Variants in CCDC102B observed in about 807,000 individuals in gnomAD.
CCDC102B encodes the protein coiled-coil domain-containing protein 102B.
CCDC102B carries 75 observed loss-of-function variants against 57.4 expected under a neutral mutation model. That is an observed-to-expected ratio of 1.31 (90% CI 1.08 to 1.58). The LOEUF (loss-of-function observed/expected upper bound fraction) is 1.58. Among genes scored for constraint, CCDC102B ranks in the 40% most tolerant of loss-of-function variants. The pLI is 0.00. For missense variants in CCDC102B, 636 were observed against 582.6 expected (o/e 1.09, Z -0.94); for synonymous variants, 206 against 201.9 (o/e 1.02, Z -0.17).
chr18:68,751,245 A>T (rs2033840041), intron 2 of CCDC102B, among the ~76,000 whole-genome samples: 1 of 152,216 alleles, frequency 6.6e-6, no homozygotes, highest in Non-Finnish European at 1.5e-5. Flanking sequence ...AGTTCCTGTG[A>T]ACATCTGTTC....
At chr18:68,769,396 G>A (rs1252412445) in intron 2 of CCDC102B, among the ~76,000 whole-genome samples, 1 of 151,996 alleles carries the variant, frequency 6.6e-6, no homozygotes, top group African/African-American at 2.4e-5. Context: ...ACCTCCCAAA[G>A]GCCCCATCTC....
At chr18:68,866,870 T>C (rs571564703) in intron 4 of CCDC102B, 10 of 670,830 alleles carry the variant, frequency 1.5e-5, no homozygotes, top group South Asian at 2.8e-5. Flanking sequence ...CACAGCTACA[T>C]TGGCACTCCT....
chr18:68,817,349 A>T (rs56280242), intron 1 of CCDC102B, among the ~76,000 whole-genome samples: 65,770 of 152,102 alleles, frequency 0.43, 15,523 homozygotes, highest in East Asian at 0.86. Flanking sequence ...TTAAAAGTAA[A>T]TTTGGCTTTC....
At chr18:68,777,993 G>T (rs677523) in intron 2 of CCDC102B, among the ~76,000 whole-genome samples, 1 of 152,008 alleles carries the variant, frequency 6.6e-6, no homozygotes, top group Non-Finnish European at 1.5e-5. Context: ...TTGCATAAGG[G>T]TATTCATTAA....
intron 7 of CCDC102B, among the ~76,000 whole-genome samples, chr18:69,032,082 C>A (rs2052161814): frequency 6.6e-6 from 1 of 151,766 alleles, no homozygotes; most frequent in Non-Finnish European, 1.5e-5. Context: ...TATGTGATAA[C>A]AGATTGAAAC....
chr18:68,956,914 A>G (rs1165799925), intron 6 of CCDC102B, among the ~76,000 whole-genome samples: 2 of 151,698 alleles, frequency 1.3e-5, no homozygotes, highest in Non-Finnish European at 2.9e-5. Context: ...TCTGTTTGCC[A>G]TGTGTATGTC....
chr18:68,741,172 A>G (rs1371823337), intron 2 of CCDC102B, among the ~76,000 whole-genome samples: 1 of 152,158 alleles, frequency 6.6e-6, no homozygotes, highest in African/African-American at 2.4e-5. Context: ...CAGTGATTGG[A>G]GCTTATGGCA....
chr18:68,991,505 A>G (rs947377012), intron 6 of CCDC102B, among the ~76,000 whole-genome samples: 4 of 152,146 alleles, frequency 2.6e-5, no homozygotes, highest in African/African-American at 7.2e-5. Flanking sequence ...GGAGTAATGC[A>G]TTTCCCACTG....
At chr18:68,876,103 G>A (rs2039436048) in intron 5 of CCDC102B, among the ~76,000 whole-genome samples, 1 of 152,188 alleles carries the variant, frequency 6.6e-6, no homozygotes, top group African/African-American at 2.4e-5. Flanking sequence ...TCAGCTCTGA[G>A]AAGCATCTTT....
intron 5 of CCDC102B, among the ~76,000 whole-genome samples, chr18:68,884,603 CACAT>C (rs923993914): frequency 1.4e-5 from 2 of 143,236 alleles, no homozygotes; most frequent in African/African-American, 5.0e-5. Flanking sequence ...CACACACACA[CACAT>C]ATACACACAC....
At chr18:68,828,322 CAAAAAAAAAAAAAA>C (rs58180806) in intron 1 of CCDC102B, among the ~76,000 whole-genome samples, 1 of 80,802 alleles carries the variant, frequency 1.2e-5, no homozygotes, top group African/African-American at 4.6e-5. Context: ...ACCCTATTTA[CAAAAAAAAAAAAAA>C]AAAAAAAAAA....
intron 6 of CCDC102B, among the ~76,000 whole-genome samples, chr18:68,977,845 C>T (rs973177777): frequency 6.6e-6 from 1 of 151,816 alleles, no homozygotes; most frequent in South Asian, 2.1e-4. Flanking sequence ...TAGGGAAAAC[C>T]GACTGTCTTG....
chr18:68,730,898 A>C (rs2032829434), intron 2 of CCDC102B, among the ~76,000 whole-genome samples: 1 of 152,226 alleles, frequency 6.6e-6, no homozygotes, highest in Admixed American at 6.5e-5. Flanking sequence ...CAGCAGAAAT[A>C]TTCTGATATC....
At chr18:68,727,143 G>A (rs909257865) in intron 2 of CCDC102B, among the ~76,000 whole-genome samples, 1 of 152,130 alleles carries the variant, frequency 6.6e-6, no homozygotes, top group Non-Finnish European at 1.5e-5. Context: ...AACAAGCCTT[G>A]GAACTGCAGA....
At chr18:68,765,094 A>C (rs1331824356) in intron 2 of CCDC102B, among the ~76,000 whole-genome samples, 1 of 124,212 alleles carries the variant, frequency 8.1e-6, no homozygotes, top group East Asian at 2.6e-4. Context: ...ATGGTGGTGC[A>C]TGTCTGTCAT....
chr18:68,832,017 TA>T (rs2037162516), intron 1 of CCDC102B, among the ~76,000 whole-genome samples: 1 of 152,150 alleles, frequency 6.6e-6, no homozygotes, highest in African/African-American at 2.4e-5. Flanking sequence ...GGTTGTTTCT[TA>T]GCATTGTGCT....
intron 6 of CCDC102B, among the ~76,000 whole-genome samples, chr18:69,004,585 T>C (rs2051289921): frequency 6.6e-6 from 1 of 152,120 alleles, no homozygotes; most frequent in South Asian, 2.1e-4. Context: ...AGAAACTTCC[T>C]GTCACTTGAT....
intron 5 of CCDC102B, among the ~76,000 whole-genome samples, chr18:68,885,257 A>G (rs2039841710): frequency 6.6e-6 from 1 of 152,094 alleles, no homozygotes; most frequent in Non-Finnish European, 1.5e-5. Flanking sequence ...GGATGTAATA[A>G]AAAAGGAAGT....
At chr18:68,775,553 G>A (rs1461922813) in intron 2 of CCDC102B, among the ~76,000 whole-genome samples, 1 of 151,598 alleles carries the variant, frequency 6.6e-6, no homozygotes, top group Non-Finnish European at 1.5e-5. Flanking sequence ...AGGTTTTCTT[G>A]GCAAGAATAC....
Sources: allele counts gnomAD v4.1 joint callset (sites outside exome capture counted in the v4.1 genomes callset), GRCh38; gene constraint gnomAD v4.1.1; transcripts MANE v1.5; gene names NCBI Gene and HGNC (gene_info 2026-07-23, HGNC 2026-07-21).